RGS7: variants seen among roughly 807,000 people sequenced by gnomAD.
RGS7 encodes the protein regulator of G-protein signaling 7.
Under a neutral mutation model 81.1 loss-of-function variants are expected in RGS7, and 27 were observed. That is an observed-to-expected ratio of 0.33 (90% CI 0.25 to 0.46). The LOEUF (loss-of-function observed/expected upper bound fraction) is 0.46, where lower values mean the gene tolerates loss of function less well. Among genes scored for constraint, RGS7 ranks in the 20% least tolerant of loss-of-function variants. RGS7 has a pLI of 1.00. For synonymous variants in RGS7, 208 were observed against 207.7 expected (o/e 1.00, Z -0.01); for missense variants, 396 against 607.4 (o/e 0.65, Z 3.66).
intron 2 of RGS7, among the ~76,000 whole-genome samples, chr1:241,136,473 G>A (rs1428304138): frequency 2.6e-5 from 4 of 152,080 alleles, no homozygotes; most frequent in African/African-American, 9.7e-5. Flanking sequence ...TGGGGTAGAG[G>A]GGAGTGTCAC....
intron 3 of RGS7, among the ~76,000 whole-genome samples, chr1:241,074,440 A>G (rs562304546): frequency 2.8e-4 from 42 of 152,340 alleles, no homozygotes; most frequent in African/African-American, 9.6e-4. Flanking sequence ...CAGAAACCCA[A>G]GTTAAACTAA....
chr1:241,325,155 C>T (rs867629899), intron 2 of RGS7, among the ~76,000 whole-genome samples: 10 of 152,294 alleles, frequency 6.6e-5, no homozygotes, highest in South Asian at 2.1e-4. Context: ...CCTGTTGCTA[C>T]GGGGGAAACC....
chr1:240,923,888 G>A (rs1381949643), intron 6 of RGS7, among the ~76,000 whole-genome samples: 1 of 152,146 alleles, frequency 6.6e-6, no homozygotes, highest in East Asian at 1.9e-4. Context: ...AATTATTAAT[G>A]GATTATGCAG....
chr1:241,324,333 C>CAA (rs34641520), intron 2 of RGS7, among the ~76,000 whole-genome samples: 15 of 143,936 alleles, frequency 1.0e-4, no homozygotes, highest in African/African-American at 3.5e-4. Flanking sequence ...TATATAAAAG[C>CAA]AAAAAAAACA....
chr1:241,132,820 T>G lies in RGS7; in HGVS notation c.79-34058A>C, dbSNP rs553004049. Among the ~76,000 whole-genome samples the G allele has an allele frequency of 1.2e-3, 178 of 152,316 alleles. 1 individual carries two copies. Among genetic ancestry groups the G allele is most frequent in the Admixed American group, 4.0e-3 (61 of 15,298 alleles). On this transcript the variant is annotated intron_variant, in intron 2 of 18. Transcript: ENST00000440928. ...CTCTGTCGCCCAGGCTGGAGTGCAG[T>G]GGCACAATCTCGGCTCACTGCAAGC...
rs568625300 is a variant in RGS7 at position 241,149,070 on chromosome 1, A to G, written c.79-50308T>C. Among the ~76,000 whole-genome samples, 12 of 152,398 alleles carry G rather than the reference A, an allele frequency of 7.9e-5. No individual in the cohort carries two copies. The South Asian group carries it at 8.3e-4, about 11-fold the overall frequency. Reference sequence around the variant, plus strand: ...CTGTGGTTCCAATTCAACAGAAAGCAGAAAATATTTCTCAAGTGTTAGCTA... The same window carrying G: ...CTGTGGTTCCAATTCAACAGAAAGCGGAAAATATTTCTCAAGTGTTAGCTA... On this transcript the variant is annotated intron_variant, in intron 2 of 18. Coordinates refer to ENST00000440928, the MANE Select transcript of RGS7 (RefSeq NM_001364886.1).
At chr1:240,825,077 G>T (rs555307007) in intron 10 of RGS7, among the ~76,000 whole-genome samples, 72 of 152,184 alleles carry the variant, frequency 4.7e-4, no homozygotes, top group African/African-American at 1.7e-3. Flanking sequence ...AGGCGGCCCC[G>T]GCAGACTACA....
chr1:241,132,769 G>GTT (rs1458372812), intron 2 of RGS7, among the ~76,000 whole-genome samples: 2 of 152,024 alleles, frequency 1.3e-5, no homozygotes, highest in African/African-American at 4.8e-5. Context: ...TTGTTTGTTT[G>GTT]TTTGTTTGTT....
intron 2 of RGS7, among the ~76,000 whole-genome samples, chr1:241,183,534 T>A (rs1351410661): frequency 2.0e-5 from 3 of 152,184 alleles, no homozygotes; most frequent in African/African-American, 7.2e-5. Context: ...GTGGGTCAGG[T>A]CTACAAGAAG....
chr1:240,933,835 C>T (rs563502838), intron 5 of RGS7, among the ~76,000 whole-genome samples: 24 of 151,930 alleles, frequency 1.6e-4, no homozygotes, highest in East Asian at 5.8e-4. Flanking sequence ...TGTGACTTTA[C>T]GGTAAATTTA....
chr1:240,801,044 GAAGTA>G (rs1687938285), intron 17 of RGS7, among the ~76,000 whole-genome samples: 1 of 152,026 alleles, frequency 6.6e-6, no homozygotes, highest in Non-Finnish European at 1.5e-5. Flanking sequence ...TCTCTCTGCA[GAAGTA>G]AAACGCATAG....
chr1:240,824,570 T>C (rs1692442832), intron 10 of RGS7, among the ~76,000 whole-genome samples: 1 of 152,232 alleles, frequency 6.6e-6, no homozygotes, highest in African/African-American at 2.4e-5. Flanking sequence ...TACAGAGCTG[T>C]GGACCCCTCA....
In RGS7 at chr1:240,776,160, C is replaced by T. The variant is rs1385616173; in HGVS notation, c.*60G>A. The T allele has an allele frequency of 1.2e-6, 2 of 1,607,182 alleles. No individual in the cohort carries two copies. The highest frequency in any genetic ancestry group is 1.7e-6 in the Non-Finnish European group (2 of 1,173,844). On this transcript the variant is annotated 3_prime_UTR_variant, in exon 19 of 19. Coordinates refer to ENST00000440928, the MANE Select transcript of RGS7 (RefSeq NM_001364886.1). ...TCTGCATTCATGCTACAAGATGATC[C>T]GTTTAGTAAGACTGAGCAAGGCTTG...
Position 241,302,996 on chromosome 1 carries a change from C to T in RGS7, c.78+52703G>A, listed in dbSNP as rs536162383. 1.4e-3 allele frequency among the ~76,000 whole-genome samples: 208 copies of T among 146,414 alleles called. 6 individuals carry two copies. Among genetic ancestry groups the T allele is most frequent in the Non-Finnish European group, 3.6e-4 (23 of 63,808 alleles). ...ATGCCACTCTTCCCACTCACGGACC[C>T]ATGACTTCATGAACGTGGCTTGAAA... On this transcript the variant is annotated intron_variant, in intron 2 of 18. Transcript: ENST00000440928.
intron 2 of RGS7, among the ~76,000 whole-genome samples, chr1:241,206,877 G>A (rs2073919071): frequency 6.7e-6 from 1 of 150,074 alleles, no homozygotes; most frequent in Admixed American, 6.6e-5. Context: ...TCTCTCCATA[G>A]CACTTAGTGC....
At chr1:240,848,927 G>A (rs893695827) in intron 9 of RGS7, among the ~76,000 whole-genome samples, 1 of 152,146 alleles carries the variant, frequency 6.6e-6, no homozygotes, top group Non-Finnish European at 1.5e-5. Context: ...AGAGGGTCTA[G>A]ACTTATGAGA....
chr1:241,292,930 G>T (rs577328745), intron 2 of RGS7, among the ~76,000 whole-genome samples: 11 of 152,306 alleles, frequency 7.2e-5, no homozygotes, highest in African/African-American at 1.4e-4. Flanking sequence ...CATATATTTT[G>T]CAGATGTTCA....
intron 6 of RGS7, among the ~76,000 whole-genome samples, chr1:240,876,520 AT>A (rs1665442308): frequency 6.6e-6 from 1 of 152,154 alleles, no homozygotes; most frequent in Admixed American, 6.5e-5. Flanking sequence ...TACAGAAACC[AT>A]TTTCCACTCA....
At chr1:241,033,892 A>T (rs186106298) in intron 3 of RGS7, among the ~76,000 whole-genome samples, 25 of 149,392 alleles carry the variant, frequency 1.7e-4, no homozygotes, top group African/African-American at 5.1e-4. Flanking sequence ...TAAGAAACTT[A>T]AAAAAAAAAG....
Sources: allele counts gnomAD v4.1 joint callset (sites outside exome capture counted in the v4.1 genomes callset), GRCh38; gene constraint gnomAD v4.1.1; transcripts MANE v1.5; gene names NCBI Gene and HGNC (gene_info 2026-07-23, HGNC 2026-07-21).